Variants in GRHL2 observed in about 807,000 individuals in gnomAD.
The protein encoded by GRHL2 is grainyhead like transcription factor 2, also known as grainyhead-like protein 2 homolog.
A neutral mutation model predicts 83.8 loss-of-function variants in GRHL2; 21 were observed. The ratio of observed to expected loss-of-function variants is 0.25; its 90% CI spans 0.18 to 0.36. The LOEUF is 0.36. Among genes scored for constraint, GRHL2 ranks in the 10% least tolerant of loss-of-function variants. The pLI is 1.00. For synonymous variants in GRHL2, 280 were observed against 278.9 expected, an observed-to-expected ratio of 1.00 and a Z score of -0.04; for missense variants, 623 against 781.8, an observed-to-expected ratio of 0.80 and a Z score of 2.42.
chr8:101,620,127 TAG>T (rs1586149700), intron 9 of GRHL2, among the ~76,000 whole-genome samples: 1 of 152,186 alleles, frequency 6.6e-6, no homozygotes, highest in African/African-American at 2.4e-5. Flanking sequence ...TCACATGGCA[TAG>T]AGAGAGAGCA....
At chr8:101,643,101 T>C (rs1813434432) in intron 12 of GRHL2, among the ~76,000 whole-genome samples, 1 of 152,072 alleles carries the variant, frequency 6.6e-6, no homozygotes, top group Non-Finnish European at 1.5e-5. Context: ...TGGCCCTTAA[T>C]CCTGAATATT....
At chr8:101,597,429 C>T (rs1033122176) in intron 7 of GRHL2, among the ~76,000 whole-genome samples, 2 of 152,038 alleles carry the variant, frequency 1.3e-5, no homozygotes, top group Non-Finnish European at 2.9e-5. Context: ...TGGAACCAAC[C>T]CAAATGTCCA....
intron 8 of GRHL2, among the ~76,000 whole-genome samples, chr8:101,607,515 T>C (rs1812655792): frequency 6.6e-6 from 1 of 152,236 alleles, no homozygotes. Flanking sequence ...TATTCATGAT[T>C]AAGAAAAAGT....
At chr8:101,601,055 G>A (rs1812499406) in intron 8 of GRHL2, among the ~76,000 whole-genome samples, 1 of 152,030 alleles carries the variant, frequency 6.6e-6, no homozygotes, top group Non-Finnish European at 1.5e-5. Flanking sequence ...AGCTACTCAA[G>A]AGGCAGAGGT....
At chr8:101,534,257 G>C (rs932002254) in intron 1 of GRHL2, among the ~76,000 whole-genome samples, 2 of 152,134 alleles carry the variant, frequency 1.3e-5, no homozygotes, top group African/African-American at 4.8e-5. Context: ...TGGCAGTCAA[G>C]TTGTCATCTG....
At chr8:101,562,516 C>G in intron 4 of GRHL2, 1 of 271,542 alleles carries the variant, frequency 3.7e-6, no homozygotes, top group Non-Finnish European at 6.8e-6. Context: ...CCCCACCAAC[C>G]AAACACCAAG....
At chr8:101,630,373 C>G (rs1215251269) in intron 9 of GRHL2, among the ~76,000 whole-genome samples, 1 of 152,080 alleles carries the variant, frequency 6.6e-6, no homozygotes, top group Non-Finnish European at 1.5e-5. Flanking sequence ...GACTCTTGTC[C>G]ATTTTTCTAT....
At chr8:101,498,492 C>T (rs1426875590) in intron 1 of GRHL2, among the ~76,000 whole-genome samples, 1 of 152,190 alleles carries the variant, frequency 6.6e-6, no homozygotes, top group Non-Finnish European at 1.5e-5. Flanking sequence ...AGGTAAAGAG[C>T]TCTAGTTTGA....
intron 1 of GRHL2, among the ~76,000 whole-genome samples, chr8:101,495,634 C>T (rs765706365): frequency 2.6e-5 from 4 of 152,100 alleles, no homozygotes; most frequent in Non-Finnish European, 4.4e-5. Flanking sequence ...TGATTTGATA[C>T]TCACAGGTGT....
chr8:101,673,454 A>G (rs1165628874), downstream of GRHL2, among the ~76,000 whole-genome samples: 2 of 150,602 alleles, frequency 1.3e-5, no homozygotes, highest in African/African-American at 4.9e-5. Flanking sequence ...AGAGACAAAG[A>G]AGGCCATTAT....
chr8:101,538,847 G>A (rs960320374), intron 1 of GRHL2, among the ~76,000 whole-genome samples: 3 of 152,186 alleles, frequency 2.0e-5, no homozygotes, highest in Non-Finnish European at 4.4e-5. Context: ...CAAATTCATT[G>A]CATAGTTAAA....
In GRHL2 at chr8:101,492,682, A is replaced by C. The variant is rs898351831; in HGVS notation, c.-88A>C. The C allele has an allele frequency of 8.4e-6, 10 of 1,188,800 alleles. No homozygotes were observed. The highest frequency in any genetic ancestry group is 1.3e-5 in the Non-Finnish European group (10 of 791,190). The allele number at this position is 1,188,800 out of a possible 1,614,324, so 73.6% of individuals were successfully genotyped here. ...TTGTTCTGCCATCTCGGGCGCTCTCACACACCTTCACCTGCACAGACTTGA... is the reference window on the plus strand; with the variant it reads ...TTGTTCTGCCATCTCGGGCGCTCTCCCACACCTTCACCTGCACAGACTTGA... On this transcript the variant is annotated 5_prime_UTR_variant, in exon 1 of 16. Coordinates refer to ENST00000646743, the MANE Select transcript of GRHL2 (RefSeq NM_024915.4).
At chr8:101,553,460 T>G (rs1210732109) in intron 3 of GRHL2, among the ~76,000 whole-genome samples, 1 of 152,158 alleles carries the variant, frequency 6.6e-6, no homozygotes. Flanking sequence ...CTTAGGTAAG[T>G]GTACCCATTC....
At position 101,575,206 on chromosome 8, in the gene GRHL2, CT is replaced by C. The variant is rs571423616; in HGVS notation, c.891+1394del. Among the ~76,000 whole-genome samples, 197 of 144,310 alleles carry C rather than the reference CT, an allele frequency of 1.4e-3. 2 individuals are homozygous for C. Among genetic ancestry groups the C allele is most frequent in the South Asian group, 7.0e-3 (32 of 4,546 alleles). 94.7% of individuals were successfully genotyped at this position (144,310 alleles called of 152,430 possible). A position where few individuals can be genotyped will look rare whatever the true frequency, so the allele number is the denominator to read the frequency against. On this transcript the variant is annotated intron_variant, in intron 6 of 15. Coordinates refer to ENST00000646743, the MANE Select transcript of GRHL2 (RefSeq NM_024915.4). ...GGTAAGAAGACACTGAATAAATTAG[CT>C]TTTTTTTTTTTAAGCCTTATAAATT...
At chr8:101,559,706 T>C (rs1811568689) in intron 4 of GRHL2, among the ~76,000 whole-genome samples, 1 of 152,222 alleles carries the variant, frequency 6.6e-6, no homozygotes, top group African/African-American at 2.4e-5. Flanking sequence ...TGCTTGTTTA[T>C]TTTAAATTCA....
intron 1 of GRHL2, among the ~76,000 whole-genome samples, chr8:101,515,189 C>CACACACACA (rs1378305176): frequency 1.3e-5 from 2 of 150,914 alleles, no homozygotes; most frequent in African/African-American, 4.9e-5. Context: ...CACACACACA[C>CACACACACA]ACACACACAC....
chr8:101,569,254 G>T (rs1563585160), intron 4 of GRHL2, among the ~76,000 whole-genome samples: 1 of 152,130 alleles, frequency 6.6e-6, no homozygotes, highest in Non-Finnish European at 1.5e-5. Context: ...CATCCTATAT[G>T]CACTGTACAT....
intron 7 of GRHL2, among the ~76,000 whole-genome samples, chr8:101,580,789 C>G (rs151149447): frequency 3.3e-5 from 5 of 152,108 alleles, no homozygotes; most frequent in African/African-American, 1.2e-4. Flanking sequence ...CTGCAGCCTC[C>G]GACTCCCTGG....
chr8:101,673,733 C>A (rs1814246178), downstream of GRHL2, among the ~76,000 whole-genome samples: 1 of 152,002 alleles, frequency 6.6e-6, no homozygotes. Context: ...GAACTCTCCA[C>A]CCCAAATCAA....
Sources: allele counts gnomAD v4.1 joint callset (sites outside exome capture counted in the v4.1 genomes callset), GRCh38; gene constraint gnomAD v4.1.1; transcripts MANE v1.5; gene names NCBI Gene and HGNC (gene_info 2026-07-23, HGNC 2026-07-21).